The following FSTL1 variants were observed in gnomAD, a reference collection of about 807,000 sequenced individuals.
FSTL1 encodes follistatin like 1, also known as follistatin-related protein 1.
In FSTL1, 24 loss-of-function variants were observed where a neutral mutation model predicts 45.9. The observed-to-expected ratio is 0.52, with a 90% CI of 0.38 to 0.74. FSTL1 has a LOEUF of 0.74. Among genes scored for constraint, FSTL1 ranks in the 30% least tolerant of loss-of-function variants. The pLI, the probability that FSTL1 is intolerant of heterozygous loss-of-function variation, is 0.00. For missense variants in FSTL1, 340 were observed against 381.8 expected, an observed-to-expected ratio of 0.89 and a Z score of 0.91; for synonymous variants, 120 against 137.6, an observed-to-expected ratio of 0.87 and a Z score of 0.89.
chr3:120,439,225 C>G (rs1305322515), intron 2 of FSTL1, among the ~76,000 whole-genome samples: 1 of 152,202 alleles, frequency 6.6e-6, no homozygotes, highest in Non-Finnish European at 1.5e-5. Flanking sequence ...TGGGGGTTTA[C>G]TCTAAGACAT....
chr3:120,414,361 C>T (rs1173725757), intron 3 of FSTL1, among the ~76,000 whole-genome samples: 3 of 152,086 alleles, frequency 2.0e-5, no homozygotes, highest in Non-Finnish European at 2.9e-5. Flanking sequence ...GCCGCCATCA[C>T]ATCTAGGAAG....
At chr3:120,414,408 A>T (rs1194757761) in intron 3 of FSTL1, among the ~76,000 whole-genome samples, 1 of 152,026 alleles carries the variant, frequency 6.6e-6, no homozygotes, top group African/African-American at 2.4e-5. Flanking sequence ...ATCGTCTGAG[A>T]TGTGGGGAGC....
At chr3:120,427,885 G>A (rs985150767) in intron 2 of FSTL1, among the ~76,000 whole-genome samples, 11 of 152,212 alleles carry the variant, frequency 7.2e-5, no homozygotes. Context: ...AGATTTCTGA[G>A]TATAGGGTAG....
At position 120,404,915 on chromosome 3, in the gene FSTL1, T is replaced by C; in HGVS notation, c.519A>G (p.Glu173=). The change falls in exon 7 of 11, where the codon GAA becomes GAG. Residue 173 remains glutamate, a synonymous_variant. Coordinates refer to ENST00000295633, the MANE Select transcript of FSTL1 (RefSeq NM_007085.5). ...LDSSEFLKFV[E]QNETAINITT... is the part of the protein sequence containing the mutation. Reference sequence around the variant, plus strand: ...TAATATTGATGGCAGTTTCATTCTGTTCCACAAACTTCAGGAATTCACTGG... The same window carrying C: ...TAATATTGATGGCAGTTTCATTCTGCTCCACAAACTTCAGGAATTCACTGG... The C allele has an allele frequency of 6.2e-7, 1 of 1,608,614 alleles. No homozygotes were observed. The highest frequency in any genetic ancestry group is 8.5e-7 in the Non-Finnish European group (1 of 1,174,906).
At chr3:120,436,074 AG>A in intron 2 of FSTL1, among the ~76,000 whole-genome samples, 1 of 151,796 alleles carries the variant, frequency 6.6e-6, no homozygotes, top group Non-Finnish European at 1.5e-5. Flanking sequence ...AAAAAAAAAA[AG>A]TATCTAAAAT....
rs1425960005 is a variant in FSTL1, at chr3:120,402,927, C to T, written c.695-9G>A. ...ATCCTCCAGGGCACACTCTGTTGGG[C>T]CAGAAATACGGGGCAACAGTTTAGC... On this transcript the variant is annotated splice_polypyrimidine_tract_variant and intron_variant, in intron 8 of 10. Transcript: ENST00000295633. The T allele has an allele frequency of 6.5e-7, 1 of 1,548,354 alleles. No homozygotes were observed.
Position 120,393,318 on chromosome 3 carries a change from C to G in FSTL1, c.*3634G>C, listed in dbSNP as rs1936627434. 1.3e-5 allele frequency: 2 copies of G among 152,170 alleles called. No homozygotes were observed. The highest frequency in any genetic ancestry group is 1.3e-4 in the Admixed American group (2 of 15,268). 9.4% of individuals were successfully genotyped at this position (152,170 alleles called of 1,614,324 possible). A position where few individuals can be genotyped will look rare whatever the true frequency, so the allele number is the denominator to read the frequency against. On this transcript the variant is annotated 3_prime_UTR_variant, in exon 11 of 11. Transcript: ENST00000295633. ...CCGAAGAAACCTTAAACCTCATTGA[C>G]TATAATATGCTCTTTTGGGAGGCAG...
intron 2 of FSTL1, among the ~76,000 whole-genome samples, chr3:120,431,112 T>C (rs1459525089): frequency 6.6e-6 from 1 of 152,094 alleles, no homozygotes; most frequent in Non-Finnish European, 1.5e-5. Context: ...CCTGGGATTA[T>C]AGGTGCCTGC....
chr3:120,445,126 A>G (rs1937709504), intron 2 of FSTL1, among the ~76,000 whole-genome samples: 1 of 149,748 alleles, frequency 6.7e-6, no homozygotes, highest in Non-Finnish European at 1.5e-5. Context: ...ATATCTATCC[A>G]TCCACAAAAC....
At chr3:120,434,423 A>G (rs1937519626) in intron 2 of FSTL1, among the ~76,000 whole-genome samples, 1 of 152,174 alleles carries the variant, frequency 6.6e-6, no homozygotes, top group Admixed American at 6.5e-5. Flanking sequence ...TCCTGAGGAA[A>G]CTTAGTTTAT....
chr3:120,427,917 A>C (rs1937409254), intron 2 of FSTL1, among the ~76,000 whole-genome samples: 1 of 152,182 alleles, frequency 6.6e-6, no homozygotes, highest in African/African-American at 2.4e-5. Context: ...GAGCTGCCTG[A>C]TACCTTGGGG....
At chr3:120,397,573 G>A (rs938830249) in intron 10 of FSTL1, among the ~76,000 whole-genome samples, 6 of 152,172 alleles carry the variant, frequency 3.9e-5, no homozygotes, top group African/African-American at 1.4e-4. Flanking sequence ...AAAACCACTT[G>A]ACACCCGCTA....
intron 3 of FSTL1, 37 bp from the exon 4 acceptor site, chr3:120,412,020 T>C (rs540819614): frequency 1.6e-5 from 26 of 1,586,818 alleles, no homozygotes; most frequent in South Asian, 3.4e-5. Flanking sequence ...TGTGCAGTTA[T>C]GGATATCGAC....
chr3:120,411,138 TAGG>T (rs1937043060), intron 4 of FSTL1, 154 bp from the exon 5 acceptor site: 2 of 581,834 alleles, frequency 3.4e-6, no homozygotes, highest in Non-Finnish European at 6.2e-6. Context: ...TTCCTTCTTC[TAGG>T]GCCCAGGTAT....
At chr3:120,425,098 G>A (rs1410498951) in intron 2 of FSTL1, among the ~76,000 whole-genome samples, 1 of 152,120 alleles carries the variant, frequency 6.6e-6, no homozygotes, top group Non-Finnish European at 1.5e-5. Flanking sequence ...ATCAGAAAAG[G>A]CACCTTTCTC....
At chr3:120,431,566 T>C (rs932604139) in intron 2 of FSTL1, among the ~76,000 whole-genome samples, 1 of 152,058 alleles carries the variant, frequency 6.6e-6, no homozygotes, top group African/African-American at 2.4e-5. Flanking sequence ...CTCACGCCTG[T>C]TATCCCAGCA....
At chr3:120,409,268 G>A (rs546304359) in intron 6 of FSTL1, among the ~76,000 whole-genome samples, 1 of 152,316 alleles carries the variant, frequency 6.6e-6, no homozygotes, top group East Asian at 1.9e-4. Context: ...TAACTGACAG[G>A]TTCTCCAAGA....
chr3:120,413,207 A>G (rs901744304), intron 3 of FSTL1, among the ~76,000 whole-genome samples: 6 of 152,204 alleles, frequency 3.9e-5, no homozygotes, highest in Non-Finnish European at 8.8e-5. Flanking sequence ...AGCAGATGGT[A>G]AAAAGAAGCA....
At chr3:120,421,871 G>C (rs1937285003) in intron 2 of FSTL1, among the ~76,000 whole-genome samples, 1 of 152,162 alleles carries the variant, frequency 6.6e-6, no homozygotes, top group East Asian at 1.9e-4. Context: ...AAATGGTTTA[G>C]GGAGGGCTAA....
Sources: allele counts gnomAD v4.1 joint callset (sites outside exome capture counted in the v4.1 genomes callset), GRCh38; gene constraint gnomAD v4.1.1; transcripts MANE v1.5; gene names NCBI Gene and HGNC (gene_info 2026-07-23, HGNC 2026-07-21).